The following COG5 variants were observed in gnomAD, a reference collection of about 807,000 sequenced individuals.
COG5 encodes the protein conserved oligomeric Golgi complex subunit 5.
In COG5, 86 loss-of-function variants were observed where a neutral mutation model predicts 110.4. The ratio of observed to expected loss-of-function variants is 0.78; its 90% CI spans 0.65 to 0.93. The LOEUF (loss-of-function observed/expected upper bound fraction) is 0.93, where lower values mean the gene tolerates loss of function less well. COG5 is among the 40% of genes least tolerant of loss of function. The probability of loss-of-function intolerance (pLI) is 0.00; values close to 1 mark genes in which losing one functional copy is unlikely to be tolerated. For synonymous variants in COG5, 360 were observed against 334.6 expected (o/e 1.08, Z -0.83); for missense variants, 1,077 against 987.0 (o/e 1.09, Z -1.22).
At chr7:107,264,567 C>T (rs977445646) in intron 14 of COG5, among the ~76,000 whole-genome samples, 10 of 151,952 alleles carry the variant, frequency 6.6e-5, no homozygotes, top group African/African-American at 2.2e-4. Flanking sequence ...TGGTACGCGC[C>T]TGTAGGTCCC....
intron 6 of COG5, among the ~76,000 whole-genome samples, chr7:107,465,772 C>T (rs1054216030): frequency 3.9e-5 from 6 of 152,158 alleles, no homozygotes; most frequent in Non-Finnish European, 7.4e-5. Context: ...AGTAGAACTA[C>T]AGCCTATAGT....
Position 107,256,756 on chromosome 7 carries a change from C to T in COG5, c.1725G>A (p.Glu575=), listed in dbSNP as rs145128460. The T allele has an allele frequency of 3.6e-4, 577 of 1,610,486 alleles. 1 individual carries two copies. Among genetic ancestry groups the T allele is most frequent in the Non-Finnish European group, 4.7e-4 (557 of 1,177,606 alleles). ...SSQSSFPLAA[E]QTIISALKAI... Reference sequence around the variant, plus strand: ...CCTTTAGAGCTGAAATTATAGTTTGCTCAGCTGCCAGTGGGAATGAGCTCT... The same window carrying T: ...CCTTTAGAGCTGAAATTATAGTTTGTTCAGCTGCCAGTGGGAATGAGCTCT... Residue 575 remains glutamate, a synonymous_variant, in exon 16 of 22, where the codon GAG becomes GAA. Coordinates refer to ENST00000297135, the MANE Select transcript of COG5 (RefSeq NM_006348.5).
chr7:107,470,728 T>TC (rs1796583944), intron 6 of COG5, among the ~76,000 whole-genome samples: 1 of 152,132 alleles, frequency 6.6e-6, no homozygotes, highest in African/African-American at 2.4e-5. Flanking sequence ...GTACAGTTTT[T>TC]CTCCAGTGTT....
intron 6 of COG5, among the ~76,000 whole-genome samples, chr7:107,484,600 T>A (rs1225396300): frequency 6.6e-6 from 1 of 152,168 alleles, no homozygotes; most frequent in Non-Finnish European, 1.5e-5. Context: ...ATTCCACAAC[T>A]ATATACACTT....
intron 10 of COG5, among the ~76,000 whole-genome samples, chr7:107,330,943 C>A (rs1810186546): frequency 6.6e-6 from 1 of 151,948 alleles, no homozygotes; most frequent in South Asian, 2.1e-4. Flanking sequence ...CTGTCTAGGC[C>A]TCCTGAGTAG....
chr7:107,466,991 G>A (rs983271118), intron 6 of COG5, among the ~76,000 whole-genome samples: 130 of 152,270 alleles, frequency 8.5e-4, no homozygotes, highest in African/African-American at 3.1e-3. Context: ...AGCTGGGTAA[G>A]AATGATTTGA....
intron 10 of COG5, among the ~76,000 whole-genome samples, chr7:107,327,367 C>T (rs1288194262): frequency 1.3e-5 from 2 of 152,084 alleles, no homozygotes; most frequent in Non-Finnish European, 2.9e-5. Flanking sequence ...GAGAAAAGCT[C>T]TGTGACACTG....
intron 16 of COG5, among the ~76,000 whole-genome samples, chr7:107,249,641 A>C (rs1249402283): frequency 5.3e-5 from 8 of 151,518 alleles, no homozygotes; most frequent in Non-Finnish European, 1.2e-4. Flanking sequence ...TTAAATTCCT[A>C]ATCTATAACC....
chr7:107,484,003 C>A (rs1387689895), intron 6 of COG5, among the ~76,000 whole-genome samples: 1 of 151,722 alleles, frequency 6.6e-6, no homozygotes, highest in Admixed American at 6.6e-5. Flanking sequence ...AGCAGGGAAG[C>A]AAAACTGGTA....
At chr7:107,334,636 T>C (rs549062266) in intron 10 of COG5, among the ~76,000 whole-genome samples, 11 of 151,932 alleles carry the variant, frequency 7.2e-5, no homozygotes, top group African/African-American at 1.2e-4. Context: ...GGATAACATT[T>C]TCAAAGTGAA....
chr7:107,465,734 G>A lies in COG5; in HGVS notation c.539-53102C>T, dbSNP rs574124033. ...TCATTTTCCCAAATGGATGACTCAA[G>A]TAGTATAGTGGATGTTACTGAGTTT... On this transcript the variant is annotated intron_variant, in intron 6 of 21. Coordinates refer to ENST00000297135, the MANE Select transcript of COG5 (RefSeq NM_006348.5). 2.0e-5 allele frequency among the ~76,000 whole-genome samples: 3 copies of A among 152,286 alleles called. No homozygotes were observed. In the South Asian group the frequency reaches 6.2e-4, roughly 32 times the overall value.
chr7:107,297,514 T>A (rs1441941560), intron 12 of COG5, among the ~76,000 whole-genome samples: 1 of 141,050 alleles, frequency 7.1e-6, no homozygotes, highest in East Asian at 2.2e-4. Context: ...AGTGACGTGA[T>A]CTCAGCTCAC....
intron 7 of COG5, among the ~76,000 whole-genome samples, chr7:107,386,247 T>A (rs1000499515): frequency 7.9e-6 from 1 of 126,020 alleles, no homozygotes; most frequent in African/African-American, 3.0e-5. Context: ...GGTATATGAT[T>A]GCTCTCTACT....
At chr7:107,391,220 GT>G (rs1203790950) in intron 7 of COG5, among the ~76,000 whole-genome samples, 1 of 152,062 alleles carries the variant, frequency 6.6e-6, no homozygotes, top group East Asian at 1.9e-4. Context: ...AGTTGCAACT[GT>G]TTATGGCACT....
At chr7:107,281,507 T>C (rs1805163680) in intron 13 of COG5, 108 bp from the exon 14 acceptor site, 4 of 809,134 alleles carry the variant, frequency 4.9e-6, no homozygotes, top group Admixed American at 4.0e-5. Flanking sequence ...ATTCTTTTTA[T>C]AGATTTCACT....
At chr7:107,313,869 G>A (rs1263637554) in intron 11 of COG5, among the ~76,000 whole-genome samples, 3 of 152,026 alleles carry the variant, frequency 2.0e-5, no homozygotes, top group African/African-American at 7.2e-5. Context: ...TGGAGATTAG[G>A]CCATGGAACT....
In COG5 at chr7:107,276,029, G is replaced by C. The variant is rs1425424596; in HGVS notation, c.1575+5271C>G. 2.6e-5 allele frequency among the ~76,000 whole-genome samples: 4 copies of C among 151,986 alleles called. No homozygotes were observed. In the East Asian group the frequency reaches 7.7e-4, roughly 29 times the overall value. On this transcript the variant is annotated intron_variant, in intron 14 of 21. Coordinates refer to ENST00000297135, the MANE Select transcript of COG5 (RefSeq NM_006348.5). ...TCTAGAACTATTGACCTCATACATA[G>C]CTACTGATCTGCATTGAAGTTGAGA...
rs1027090577 is a variant in COG5 at position 107,202,590 on chromosome 7, G to A, written c.*926C>T. 6.6e-6 allele frequency: 1 copy of A among 152,412 alleles called. No homozygotes were observed. The allele number at this position is 152,412 out of a possible 1,614,324, so 9.4% of individuals were successfully genotyped here. A position where few individuals can be genotyped will look rare whatever the true frequency, so the allele number is the denominator to read the frequency against. On this transcript the variant is annotated 3_prime_UTR_variant, in exon 22 of 22. Coordinates refer to ENST00000297135, the MANE Select transcript of COG5 (RefSeq NM_006348.5). ...GCTGAATTTTATTTATGAGTTCTCA[G>A]AATAACAGGTTCAGGAGATGAGATG...
At chr7:107,435,563 G>T (rs1017753302) in intron 6 of COG5, among the ~76,000 whole-genome samples, 1 of 152,060 alleles carries the variant, frequency 6.6e-6, no homozygotes, top group Non-Finnish European at 1.5e-5. Context: ...TGAGGCACGA[G>T]AATTGCTTGA....
Sources: allele counts gnomAD v4.1 joint callset (sites outside exome capture counted in the v4.1 genomes callset), GRCh38; gene constraint gnomAD v4.1.1; transcripts MANE v1.5; gene names NCBI Gene and HGNC (gene_info 2026-07-23, HGNC 2026-07-21).